DGKB: variants seen among roughly 807,000 people sequenced by gnomAD.
DGKB encodes the protein 90 kDa diacylglycerol kinase.
In DGKB, 67 loss-of-function variants were observed where a neutral mutation model predicts 114.3. That is an observed-to-expected ratio of 0.59 (90% CI 0.48 to 0.72). The LOEUF is 0.72. DGKB is among the 30% of genes least tolerant of loss of function. The pLI, the probability that DGKB is intolerant of heterozygous loss-of-function variation, is 0.00. For synonymous variants in DGKB, 398 were observed against 323.1 expected, an observed-to-expected ratio of 1.23 and a Z score of -2.49; for missense variants, 907 against 975.2, an observed-to-expected ratio of 0.93 and a Z score of 0.93.
At chr7:14,742,388 A>G (rs6977546) in intron 4 of DGKB, among the ~76,000 whole-genome samples, 98,338 of 152,134 alleles carry the variant, frequency 0.65, 35,372 homozygotes, top group Non-Finnish European at 0.81. Context: ...GCATTAGATC[A>G]AATATTTTTT....
chr7:14,847,971 G>T (rs536896743), intron 1 of DGKB, among the ~76,000 whole-genome samples: 1 of 152,182 alleles, frequency 6.6e-6, no homozygotes, highest in Admixed American at 6.5e-5. Context: ...ATTAAAAAGA[G>T]CTACATAATT....
intron 23 of DGKB, among the ~76,000 whole-genome samples, chr7:14,285,456 A>T (rs1323593783): frequency 6.6e-6 from 1 of 152,206 alleles, no homozygotes; most frequent in Non-Finnish European, 1.5e-5. Flanking sequence ...TTCTCAAGGC[A>T]TTACAAGTGC....
intron 2 of DGKB, among the ~76,000 whole-genome samples, chr7:14,833,769 A>T (rs1846756686): frequency 6.6e-6 from 1 of 152,078 alleles, no homozygotes; most frequent in Non-Finnish European, 1.5e-5. Context: ...TGTAACAGTC[A>T]TTCCTGCTTC....
At chr7:14,314,931 C>T (rs952085699) in intron 23 of DGKB, among the ~76,000 whole-genome samples, 2 of 151,686 alleles carry the variant, frequency 1.3e-5, no homozygotes, top group African/African-American at 4.8e-5. Context: ...AACAGCGGAT[C>T]TCTCGGCAGA....
At chr7:14,854,221 C>A (rs1198253067) in intron 1 of DGKB, among the ~76,000 whole-genome samples, 3 of 152,168 alleles carry the variant, frequency 2.0e-5, no homozygotes, top group African/African-American at 7.2e-5. Flanking sequence ...TAAGGTAACT[C>A]TGGAGCTTAA....
At chr7:14,306,860 A>G (rs1228492915) in intron 23 of DGKB, among the ~76,000 whole-genome samples, 3 of 152,128 alleles carry the variant, frequency 2.0e-5, no homozygotes, top group Middle Eastern at 3.2e-3. Flanking sequence ...TGGCTCTTCA[A>G]ATGTGTCCTC....
intron 13 of DGKB, among the ~76,000 whole-genome samples, chr7:14,644,160 C>G (rs1812441640): frequency 6.6e-6 from 1 of 151,758 alleles, no homozygotes; most frequent in South Asian, 2.1e-4. Context: ...CTGTACCTAC[C>G]TAGAACTAAA....
chr7:14,417,678 A>G (rs1825917450), intron 21 of DGKB, among the ~76,000 whole-genome samples: 1 of 150,310 alleles, frequency 6.7e-6, no homozygotes, highest in Admixed American at 6.8e-5. Context: ...AAAGTAAAAT[A>G]AATTGCTTCT....
At chr7:14,482,993 G>T (rs1028480670) in intron 20 of DGKB, among the ~76,000 whole-genome samples, 1 of 151,800 alleles carries the variant, frequency 6.6e-6, no homozygotes, top group African/African-American at 2.4e-5. Flanking sequence ...AATCATCTGT[G>T]AAATGTTGGC....
chr7:14,814,622 GATT>G (rs1174682621), intron 2 of DGKB, among the ~76,000 whole-genome samples: 2 of 152,120 alleles, frequency 1.3e-5, no homozygotes, highest in Non-Finnish European at 2.9e-5. Flanking sequence ...ATGGAAATGT[GATT>G]GAGCTAAGAA....
At chr7:14,845,668 C>T (rs1848537249) in intron 1 of DGKB, among the ~76,000 whole-genome samples, 1 of 151,656 alleles carries the variant, frequency 6.6e-6, no homozygotes, top group Non-Finnish European at 1.5e-5. Flanking sequence ...CACTTATTTC[C>T]TTTTTGTTCA....
intron 1 of DGKB, among the ~76,000 whole-genome samples, chr7:14,844,710 A>C (rs1848400018): frequency 6.6e-6 from 1 of 152,164 alleles, no homozygotes; most frequent in Non-Finnish European, 1.5e-5. Context: ...ATGATTCCTG[A>C]GGCCTGTCTG....
chr7:14,178,597 C>T (rs1486040783), intron 23 of DGKB, among the ~76,000 whole-genome samples: 3 of 152,024 alleles, frequency 2.0e-5, no homozygotes, highest in African/African-American at 7.2e-5. Flanking sequence ...GAACAAGAGA[C>T]CTTGGAGATC....
chr7:14,803,719 C>G (rs1487464075), intron 2 of DGKB, among the ~76,000 whole-genome samples: 15 of 152,084 alleles, frequency 9.9e-5, no homozygotes, highest in Admixed American at 5.2e-4. Flanking sequence ...TGATTTTCCT[C>G]TCTGGCTTCT....
At chr7:14,471,771 T>G (rs1004312834) in intron 21 of DGKB, among the ~76,000 whole-genome samples, 5 of 152,070 alleles carry the variant, frequency 3.3e-5, no homozygotes, top group African/African-American at 1.2e-4. Context: ...ATAAAGGTAG[T>G]AAGATATATA....
intron 20 of DGKB, among the ~76,000 whole-genome samples, chr7:14,559,580 T>C (rs1796350424): frequency 6.6e-6 from 1 of 152,252 alleles, no homozygotes; most frequent in African/African-American, 2.4e-5. Flanking sequence ...GGGTTTATAC[T>C]ATACAATTTA....
chr7:14,927,541 A>G (rs1784808159), intron 1 of DGKB, among the ~76,000 whole-genome samples: 1 of 151,886 alleles, frequency 6.6e-6, no homozygotes, highest in African/African-American at 2.4e-5. Context: ...AAAAAAGCAA[A>G]CTCCTACACA....
At chr7:14,577,616 C>CAA (rs566335685) in intron 19 of DGKB, among the ~76,000 whole-genome samples, 31 of 143,812 alleles carry the variant, frequency 2.2e-4, no homozygotes, top group African/African-American at 7.5e-4. Flanking sequence ...GACTCCGTCT[C>CAA]AAAAAAAAAA....
chr7:14,376,681 C>G (rs1818526901), intron 21 of DGKB, among the ~76,000 whole-genome samples: 1 of 152,070 alleles, frequency 6.6e-6, no homozygotes, highest in Non-Finnish European at 1.5e-5. Flanking sequence ...AACCATGACT[C>G]CCCCCAGCCC....
Sources: gnomAD v4.1 joint callset for allele counts (sites outside exome capture counted in the v4.1 genomes callset) on GRCh38, gnomAD v4.1.1 for gene constraint, MANE v1.5 for transcripts, NCBI Gene and HGNC (gene_info 2026-07-23, HGNC 2026-07-21) for gene names.